Variants in IRAK1BP1 observed in about 807,000 individuals in gnomAD.
IRAK1BP1 encodes the protein interleukin-1 receptor-associated kinase 1-binding protein 1.
IRAK1BP1 carries 24 observed loss-of-function variants against 28.0 expected under a neutral mutation model. The observed-to-expected ratio is 0.86, with a 90% CI of 0.62 to 1.20. The LOEUF (loss-of-function observed/expected upper bound fraction) is 1.20, where lower values mean the gene tolerates loss of function less well. Among genes scored for constraint, IRAK1BP1 ranks in the 50% most tolerant of loss-of-function variants. The pLI is 0.00. For synonymous variants in IRAK1BP1, 131 were observed against 116.3 expected, an observed-to-expected ratio of 1.13 and a Z score of -0.81; for missense variants, 336 against 316.7, an observed-to-expected ratio of 1.06 and a Z score of -0.46.
At chr6:78,935,204 ATTT>A (rs1175753758) in intron 4 of IRAK1BP1, among the ~76,000 whole-genome samples, 1 of 152,118 alleles carries the variant, frequency 6.6e-6, no homozygotes, top group Non-Finnish European at 1.5e-5. Context: ...GTTATCAGGA[ATTT>A]TTTTTACCTT....
chr6:78,918,578 TAA>T (rs58669467), intron 4 of IRAK1BP1, among the ~76,000 whole-genome samples: 16 of 66,798 alleles, frequency 2.4e-4, no homozygotes, highest in African/African-American at 8.5e-4. Context: ...CCAAAAACAG[TAA>T]AAAAAAAAAA....
intron 2 of IRAK1BP1, among the ~76,000 whole-genome samples, chr6:78,892,098 AGGT>A (rs1390992868): frequency 6.6e-6 from 1 of 152,204 alleles, no homozygotes; most frequent in Non-Finnish European, 1.5e-5. Context: ...AAACAAAACA[AGGT>A]AAATACTTCT....
At chr6:78,970,239 ATTGTTG>A in the IRAK1BP1 span, 1 of 1,398,900 alleles carries the variant, frequency 7.1e-7, no homozygotes, top group South Asian at 1.3e-5. Context: ...ACTGCTAAAC[ATTGTTG>A]AGAAAAAACT....
chr6:78,892,086 A>G (rs1771684192), intron 2 of IRAK1BP1, among the ~76,000 whole-genome samples: 1 of 152,232 alleles, frequency 6.6e-6, no homozygotes, highest in South Asian at 2.1e-4. Flanking sequence ...CTCTGTAAGA[A>G]GAAACAAAAC....
downstream of IRAK1BP1, among the ~76,000 whole-genome samples, chr6:78,904,918 C>T (rs1053823481): frequency 1.0e-4 from 15 of 150,680 alleles, no homozygotes; most frequent in African/African-American, 3.5e-4. Flanking sequence ...TTTCAATGTA[C>T]CTATTTCTAA....
chr6:78,940,992 G>T, intron 4 of IRAK1BP1: 1 of 1,613,768 alleles, frequency 6.2e-7, no homozygotes, highest in Non-Finnish European at 8.5e-7. Context: ...TCTAATTTTT[G>T]TGTCTTCATC....
At chr6:78,870,038 G>A (rs1770737309) in intron 1 of IRAK1BP1, among the ~76,000 whole-genome samples, 2 of 149,674 alleles carry the variant, frequency 1.3e-5, no homozygotes, top group South Asian at 2.1e-4. Flanking sequence ...GAACCCAGGA[G>A]GCGGAGGTTG....
In IRAK1BP1 at chr6:78,926,863, G is replaced by C. The variant is rs1300024384; in HGVS notation, c.*68-18545G>C. Reference sequence around the variant, plus strand: ...TGACCTCAGTTCCATCTATGTTGTTGCAAATGGCAGGATCTTATTCTTTCG... The same window carrying C: ...TGACCTCAGTTCCATCTATGTTGTTCCAAATGGCAGGATCTTATTCTTTCG... On this transcript the variant is annotated intron_variant and NMD_transcript_variant, in intron 4 of 4. Transcript: ENST00000606868. Among the ~76,000 whole-genome samples the C allele has an allele frequency of 4.6e-5, 7 of 152,054 alleles. No individual in the cohort carries two copies. In the East Asian group the frequency reaches 1.2e-3, roughly 25 times the overall value.
chr6:78,961,627 C>G, the IRAK1BP1 span: 9 of 1,546,398 alleles, frequency 5.8e-6, no homozygotes, highest in Non-Finnish European at 8.9e-7. Flanking sequence ...TGCTAAAGAT[C>G]AGTAAATGGG....
At chr6:78,975,098 G>A in the IRAK1BP1 span, among the ~76,000 whole-genome samples, 2 of 151,742 alleles carry the variant, frequency 1.3e-5, no homozygotes, top group African/African-American at 4.8e-5. Context: ...CAATATCCTT[G>A]ATGAACATTG....
chr6:78,874,661 GAAAATTTCTATACAA>G (rs1770930634), intron 1 of IRAK1BP1, among the ~76,000 whole-genome samples: 1 of 152,126 alleles, frequency 6.6e-6, no homozygotes, highest in South Asian at 2.1e-4. Flanking sequence ...CCAGAGGGTG[GAAAATTTCTATACAA>G]AAAATTTCTA....
chr6:78,894,756 A>G (rs995513000), intron 2 of IRAK1BP1, among the ~76,000 whole-genome samples: 12 of 152,138 alleles, frequency 7.9e-5, no homozygotes, highest in Admixed American at 7.9e-4. Context: ...ACAGCAGCCT[A>G]CACATTCCTT....
chr6:78,946,383 A>G, exon 5 of IRAK1BP1: 1 of 1,387,988 alleles, frequency 7.2e-7, no homozygotes, highest in Non-Finnish European at 9.5e-7. Flanking sequence ...TGAGATTTAT[A>G]GTGGATTTCA....
intron 2 of IRAK1BP1, among the ~76,000 whole-genome samples, chr6:78,890,775 T>C (rs1771623865): frequency 6.6e-6 from 1 of 152,162 alleles, no homozygotes; most frequent in African/African-American, 2.4e-5. Context: ...CTAGAAATCC[T>C]TACCTGGCCA....
At chr6:78,928,907 A>G (rs902161726) in intron 4 of IRAK1BP1, among the ~76,000 whole-genome samples, 1 of 152,122 alleles carries the variant, frequency 6.6e-6, no homozygotes, top group African/African-American at 2.4e-5. Flanking sequence ...GTTGAATTCA[A>G]TTTGCAAGTA....
the IRAK1BP1 span, among the ~76,000 whole-genome samples, chr6:78,972,653 C>T: frequency 6.6e-6 from 1 of 152,042 alleles, no homozygotes; most frequent in African/African-American, 2.4e-5. Context: ...GAATGTGTAA[C>T]TAGAATAATC....
At chr6:78,874,854 C>G (rs1180371453) in intron 1 of IRAK1BP1, among the ~76,000 whole-genome samples, 3 of 151,968 alleles carry the variant, frequency 2.0e-5, no homozygotes, top group Non-Finnish European at 4.4e-5. Flanking sequence ...TTGATGAAGA[C>G]CCCAAAAGCA....
At chr6:78,915,615 C>T (rs764560836) in intron 4 of IRAK1BP1, among the ~76,000 whole-genome samples, 6 of 152,130 alleles carry the variant, frequency 3.9e-5, no homozygotes, top group Non-Finnish European at 7.4e-5. Context: ...AAATTTGGCC[C>T]AAGGACTCCC....
chr6:78,873,309 A>G (rs1770861861), intron 1 of IRAK1BP1, among the ~76,000 whole-genome samples: 1 of 149,128 alleles, frequency 6.7e-6, no homozygotes, highest in Non-Finnish European at 1.5e-5. Flanking sequence ...CATATATTGC[A>G]AAAAATTTTC....
Sources: gnomAD v4.1 joint callset for allele counts (sites outside exome capture counted in the v4.1 genomes callset) on GRCh38, gnomAD v4.1.1 for gene constraint, MANE v1.5 for transcripts, NCBI Gene and HGNC (gene_info 2026-07-23, HGNC 2026-07-21) for gene names.